The following MYO1D variants were observed in gnomAD, a reference collection of about 807,000 sequenced individuals.
The protein encoded by MYO1D is unconventional myosin-Id.
Under a neutral mutation model 122.0 loss-of-function variants are expected in MYO1D, and 83 were observed. That is an observed-to-expected ratio of 0.68 (90% CI 0.57 to 0.82). MYO1D has a LOEUF of 0.82. Ranked by LOEUF, MYO1D falls within the 40% of genes least tolerant of loss-of-function variation. The pLI is 0.00. For missense variants in MYO1D, 1,157 were observed against 1,269.5 expected (o/e 0.91, Z 1.35); for synonymous variants, 464 against 446.9 (o/e 1.04, Z -0.48).
At chr17:32,821,676 A>C (rs138952163) in intron 1 of MYO1D, among the ~76,000 whole-genome samples, 4 of 152,202 alleles carry the variant, frequency 2.6e-5, no homozygotes, top group African/African-American at 9.6e-5. Flanking sequence ...ACTCGTCCAT[A>C]CTAGGGACTG....
At chr17:32,577,044 G>T (rs1302045219) in intron 21 of MYO1D, among the ~76,000 whole-genome samples, 1 of 152,074 alleles carries the variant, frequency 6.6e-6, no homozygotes, top group African/African-American at 2.4e-5. Context: ...GAGCTCAGGA[G>T]TTTGCGACCA....
At chr17:32,662,194 A>G (rs2088574961) in intron 16 of MYO1D, among the ~76,000 whole-genome samples, 1 of 152,098 alleles carries the variant, frequency 6.6e-6, no homozygotes, top group Non-Finnish European at 1.5e-5. Context: ...GTTCTCCCCC[A>G]CCGCCCCACG....
chr17:32,673,303 C>T lies in MYO1D; in HGVS notation c.2122-13965G>A, dbSNP rs1051012799. On this transcript the variant is annotated intron_variant, in intron 16 of 21. Transcript: ENST00000318217. ...TATTTTAGTAGAAACGGGGTTTCAC[C>T]GTGTTGCCCAGGCTGGTCCTGAACT... is the stretch of plus-strand genomic sequence containing the variant. Among the ~76,000 whole-genome samples the T allele has an allele frequency of 4.6e-4, 69 of 151,126 alleles. 1 individual carries two copies. The highest frequency in any genetic ancestry group is 8.1e-4 in the Non-Finnish European group (55 of 67,810).
chr17:32,622,902 C>T (rs551680790), intron 20 of MYO1D, among the ~76,000 whole-genome samples: 46 of 152,340 alleles, frequency 3.0e-4, no homozygotes, highest in African/African-American at 9.9e-4. Flanking sequence ...AACAACCACC[C>T]ATCTGCTTCC....
intron 1 of MYO1D, among the ~76,000 whole-genome samples, chr17:32,828,433 G>A (rs1039400000): frequency 4.6e-5 from 7 of 150,840 alleles, no homozygotes; most frequent in Admixed American, 1.3e-4. Flanking sequence ...GGAGAATGGC[G>A]TGAACCAGGG....
chr17:32,710,662 T>C (rs2089364012), intron 16 of MYO1D, among the ~76,000 whole-genome samples: 2 of 152,282 alleles, frequency 1.3e-5, no homozygotes, highest in East Asian at 1.9e-4. Flanking sequence ...GCTTACAGAA[T>C]AGGAGAATAT....
chr17:32,704,031 C>T (rs946124576), intron 16 of MYO1D, among the ~76,000 whole-genome samples: 3 of 152,214 alleles, frequency 2.0e-5, no homozygotes, highest in Non-Finnish European at 4.4e-5. Flanking sequence ...TTCAACTCAG[C>T]TCCATCCACG....
At chr17:32,672,659 T>C (rs555283848) in intron 16 of MYO1D, among the ~76,000 whole-genome samples, 20 of 152,260 alleles carry the variant, frequency 1.3e-4, no homozygotes, top group Admixed American at 1.2e-3. Flanking sequence ...CTAATTTTAA[T>C]ATTTTTAGTA....
chr17:32,784,093 C>T (rs190104563), intron 1 of MYO1D, among the ~76,000 whole-genome samples: 1 of 152,146 alleles, frequency 6.6e-6, no homozygotes, highest in South Asian at 2.1e-4. Context: ...TCCCAATAAA[C>T]CACCTTCAGT....
At chr17:32,684,971 CAT>C (rs1201300321) in intron 16 of MYO1D, among the ~76,000 whole-genome samples, 1 of 152,140 alleles carries the variant, frequency 6.6e-6, no homozygotes, top group Admixed American at 6.5e-5. Context: ...CTTCCCTATT[CAT>C]TCTAGTTACA....
Position 32,876,813 on chromosome 17 carries a change from G to A in MYO1D, c.60C>T (p.Val20=), listed in dbSNP as rs1421602786. Residue 20 remains valine, a synonymous_variant, in exon 1 of 22, where the codon GTC becomes GTT. Transcript: ENST00000318217. The stretch of plus-strand genomic sequence containing the variant: ...GGTTGGCCATGAACTCGGGCATGGA[G>A]ACGGTGTCCATCAGCACGAAGTCTG... ...GKADFVLMDT[V]SMPEFMANLR... 1.3e-6 allele frequency: 2 copies of A among 1,526,886 alleles called. No homozygotes were observed. Among genetic ancestry groups the A allele is most frequent in the Admixed American group, 2.0e-5 (1 of 49,398 alleles). The allele number at this position is 1,526,886 out of a possible 1,614,324, so 94.6% of individuals were successfully genotyped here.
At chr17:32,773,819 T>C (rs1245875959) in intron 4 of MYO1D, among the ~76,000 whole-genome samples, 1 of 152,182 alleles carries the variant, frequency 6.6e-6, no homozygotes, top group African/African-American at 2.4e-5. Flanking sequence ...TGTCGTACAA[T>C]GGGCAAATGA....
At chr17:32,667,224 C>G (rs2150958355) in intron 16 of MYO1D, among the ~76,000 whole-genome samples, 1 of 152,234 alleles carries the variant, frequency 6.6e-6, no homozygotes, top group East Asian at 1.9e-4. Context: ...TCATGATTGA[C>G]TGATGAAGGG....
intron 16 of MYO1D, among the ~76,000 whole-genome samples, chr17:32,697,566 C>T (rs1333032495): frequency 6.6e-6 from 1 of 152,032 alleles, no homozygotes; most frequent in African/African-American, 2.4e-5. Context: ...GCACCTTTCC[C>T]AACCTAGCCA....
At chr17:32,796,882 C>T (rs893978830) in intron 1 of MYO1D, among the ~76,000 whole-genome samples, 8 of 152,078 alleles carry the variant, frequency 5.3e-5, no homozygotes, top group South Asian at 2.1e-4. Flanking sequence ...GGTCTCTGGA[C>T]GACAGGAAAC....
chr17:32,852,604 A>G (rs1189672677), intron 1 of MYO1D, among the ~76,000 whole-genome samples: 2 of 152,160 alleles, frequency 1.3e-5, no homozygotes, highest in African/African-American at 2.4e-5. Context: ...AGGGTGCAAA[A>G]TTGTCTGTAG....
In MYO1D at chr17:32,560,557, A is replaced by C. The variant is rs1483980610; in HGVS notation, c.2864+44530T>G. The stretch of plus-strand genomic sequence containing the variant: ...TATATATATATATATATATATATAT[A>C]TATATATATATATATATATAACTTT... On this transcript the variant is annotated intron_variant, in intron 21 of 21. Transcript: ENST00000318217. 1.1e-4 allele frequency among the ~76,000 whole-genome samples: 13 copies of C among 117,564 alleles called. 1 individual carries two copies. Among genetic ancestry groups the C allele is most frequent in the African/African-American group, 3.8e-4 (12 of 31,296 alleles). The allele number at this position is 117,564 out of a possible 152,430, so 77.1% of individuals were successfully genotyped here.
rs983102684 is a variant in MYO1D at position 32,706,769 on chromosome 17, T to G, written c.2121+5219A>C. On this transcript the variant is annotated intron_variant, in intron 16 of 21. Transcript: ENST00000318217. ...TGGAGTGTAGTGGCGCGATCTCAGC[T>G]CACTGCAAGCTCCGCCTCCCGGGTT... 5.9e-5 allele frequency among the ~76,000 whole-genome samples: 9 copies of G among 152,264 alleles called. No individual in the cohort carries two copies. In the East Asian group the frequency reaches 1.7e-3, roughly 29 times the overall value.
chr17:32,651,235 G>T (rs1408178078), intron 19 of MYO1D, among the ~76,000 whole-genome samples: 1 of 152,192 alleles, frequency 6.6e-6, no homozygotes, highest in Admixed American at 6.5e-5. Context: ...CCCTGTGTGA[G>T]TACTGGGCAT....
Sources: gnomAD v4.1 joint callset for allele counts (sites outside exome capture counted in the v4.1 genomes callset) on GRCh38, gnomAD v4.1.1 for gene constraint, MANE v1.5 for transcripts, NCBI Gene and HGNC (gene_info 2026-07-23, HGNC 2026-07-21) for gene names.